The following TCF20 variants were observed in gnomAD, a reference collection of about 807,000 sequenced individuals.
TCF20 encodes the protein SPRE-binding protein.
TCF20 carries 3 observed loss-of-function variants against 148.6 expected under a neutral mutation model. The observed-to-expected ratio is 0.02, with a 90% CI of 0.01 to 0.05. The LOEUF is 0.05. Among genes scored for constraint, TCF20 ranks in the 10% least tolerant of loss-of-function variants. The pLI, the probability that TCF20 is intolerant of heterozygous loss-of-function variation, is 1.00. For missense variants in TCF20, 2,350 were observed against 2,429.3 expected, an observed-to-expected ratio of 0.97 and a Z score of 0.69; for synonymous variants, 1,049 against 909.5, an observed-to-expected ratio of 1.15 and a Z score of -2.76.
chr22:42,329,039 C>A (rs1160695886), intron 1 of TCF20, among the ~76,000 whole-genome samples: 1 of 152,240 alleles, frequency 6.6e-6, no homozygotes, highest in Non-Finnish European at 1.5e-5. Context: ...ACTCTGCAGC[C>A]CCTTGTTTGT....
rs756871251 is a variant in TCF20 at position 42,210,757 on chromosome 22, C to T, written c.4549G>A (p.Asp1517Asn). ...TGCTTCGGTGAAATCGTCACTGTAT[C>T]GTTCTCCTTCTCTTCAGCCTTGGGG... ...ANPKAEEKEN[D>N]TVTISPKQEG... The change falls in exon 2 of 6, where the codon GAT (aspartate) becomes AAT (asparagine). Residue 1517 changes from aspartate to asparagine, a missense_variant. Asp to Asn is a conservative substitution (Grantham distance 23). This residue lies in a region of TCF20 where 231 missense variants were observed against 213.7 expected (regional missense o/e 1.08). Coordinates refer to ENST00000677622, the MANE Select transcript of TCF20 (RefSeq NM_001378418.1). This position sits in a 1 kb window ranked among gnomAD's most constrained non-coding sequence, Gnocchi z 4.7. 6.8e-6 allele frequency: 11 copies of T among 1,614,044 alleles called. No homozygotes were observed. The highest frequency in any genetic ancestry group is 6.7e-5 in the Admixed American group (4 of 60,004).
chr22:42,236,425 A>G (rs1245044920), intron 1 of TCF20, among the ~76,000 whole-genome samples: 1 of 152,128 alleles, frequency 6.6e-6, no homozygotes, highest in Non-Finnish European at 1.5e-5. Flanking sequence ...TCTAATTCAC[A>G]ATGAAGAATG....
rs775842975 is a variant in TCF20 at position 42,210,422 on chromosome 22, G to C, written c.4884C>G (p.Asn1628Lys). Residue 1628 changes from asparagine (N) to lysine (K), a missense_variant, in exon 2 of 6, where the codon AAC becomes AAG. Coordinates refer to ENST00000677622, the MANE Select transcript of TCF20 (RefSeq NM_001378418.1). This position sits in a 1 kb window ranked among gnomAD's most constrained non-coding sequence, Gnocchi z 4.7. ...CATGGATGTAAGGGTAAAAAGACTT[G>C]TTCTTGGCATCAGTTTTATCCAGTG... The part of the protein sequence containing the change: ...TQPLDKTDAK[N>K]KSFYPYIHVV... 2 of 1,614,248 alleles carry C rather than the reference G, an allele frequency of 1.2e-6. No individual in the cohort carries two copies. Among genetic ancestry groups the C allele is most frequent in the Non-Finnish European group, 1.7e-6 (2 of 1,180,046 alleles).
intron 1 of TCF20, among the ~76,000 whole-genome samples, chr22:42,252,818 C>A (rs1402827437): frequency 2.6e-5 from 4 of 152,010 alleles, no homozygotes; most frequent in Non-Finnish European, 2.9e-5. Flanking sequence ...ATATAATTAT[C>A]CCTATATATA....
intron 1 of TCF20, among the ~76,000 whole-genome samples, chr22:42,243,959 C>G: frequency 6.6e-6 from 1 of 152,072 alleles, no homozygotes. Context: ...TCACATATTG[C>G]TGGTGGGGGC....
upstream of TCF20, among the ~76,000 whole-genome samples, chr22:42,270,876 C>T (rs1333340629): frequency 6.6e-6 from 1 of 151,382 alleles, no homozygotes. Context: ...ACGGGGTTCT[C>T]CTCTGCGGCC....
At chr22:42,322,467 A>G (rs1927750492) in intron 1 of TCF20, among the ~76,000 whole-genome samples, 1 of 151,844 alleles carries the variant, frequency 6.6e-6, no homozygotes, top group Non-Finnish European at 1.5e-5. Context: ...AGCAGTGAAG[A>G]TCCATGGTCT....
Position 42,215,137 on chromosome 22 carries a change from C to CACCACT in TCF20, c.163_168dup (p.Ser55_Gly56dup), listed in dbSNP as rs1239629572. 6.2e-7 allele frequency: 1 copy of CACCACT among 1,614,036 alleles called. No homozygotes were observed. The highest frequency in any genetic ancestry group is 2.2e-5 in the East Asian group (1 of 44,884). On this transcript the variant is annotated inframe_insertion, in exon 2 of 6. Coordinates refer to ENST00000677622, the MANE Select transcript of TCF20 (RefSeq NM_001378418.1). ...GCAGCTGCTGCTCCTCGTCGTCCAC[C>CACCACT]ACCACTGCCACTGCCACTGCTGCCA...
At chr22:42,302,424 C>T (rs4822102) in intron 1 of TCF20, among the ~76,000 whole-genome samples, 96,557 of 151,936 alleles carry the variant, frequency 0.64, 30,965 homozygotes, top group South Asian at 0.72. Flanking sequence ...GTGAGAGGCA[C>T]GTTCCTCTAC....
intron 3 of TCF20, among the ~76,000 whole-genome samples, chr22:42,176,742 C>T (rs2095016870): frequency 1.3e-5 from 2 of 152,076 alleles, no homozygotes; most frequent in African/African-American, 4.8e-5. Context: ...ATAAGCCAGG[C>T]ACGGAAAGTT....
At chr22:42,328,795 C>T (rs1337327979) in intron 1 of TCF20, among the ~76,000 whole-genome samples, 1 of 152,230 alleles carries the variant, frequency 6.6e-6, no homozygotes, top group Non-Finnish European at 1.5e-5. Context: ...TTTGCTAAAG[C>T]TTGCCCCAGA....
At chr22:42,203,856 G>A (rs992565127) in intron 2 of TCF20, among the ~76,000 whole-genome samples, 1 of 152,172 alleles carries the variant, frequency 6.6e-6, no homozygotes, top group Non-Finnish European at 1.5e-5. Flanking sequence ...GTGGGGGTGA[G>A]GTACTGGAGT....
chr22:42,258,158 T>C (rs1311972567), intron 1 of TCF20, among the ~76,000 whole-genome samples: 1 of 152,210 alleles, frequency 6.6e-6, no homozygotes, highest in Non-Finnish European at 1.5e-5. Flanking sequence ...TTAACTACTT[T>C]CTTACTTTAT....
In TCF20 at chr22:42,342,523, G is replaced by A. The variant is rs1179154386; in HGVS notation, c.-37+956C>T. On this transcript the variant is annotated intron_variant, in intron 1 of 1. Coordinates refer to the TCF20 transcript ENST00000515426. ...AGCACTAGACTACCTCCTGGAGGTA[G>A]TTCATCTCATTGGGCAGAGGTGAAG... Among the ~76,000 whole-genome samples, 4 of 152,222 alleles carry A rather than the reference G, an allele frequency of 2.6e-5. No homozygotes were observed. In the East Asian group the frequency reaches 7.7e-4, roughly 29 times the overall value.
Position 42,270,530 on chromosome 22 carries a change from G to A in TCF20, c.-228C>T, listed in dbSNP as rs934872529. ...GAGGCTCGCTCCGGCCCGCGCGCTC[G>A]CTCCCCGGTCAGGCGCGCCTCAGGG... On this transcript the variant is annotated 5_prime_UTR_variant, in exon 1 of 6. Coordinates refer to ENST00000677622, the MANE Select transcript of TCF20 (RefSeq NM_001378418.1). Among the ~76,000 whole-genome samples the A allele has an allele frequency of 1.2e-4, 18 of 145,534 alleles. No individual in the cohort carries two copies. Among genetic ancestry groups the A allele is most frequent in the African/African-American group, 4.4e-4 (18 of 40,638 alleles).
At chr22:42,188,792 T>C (rs940228982) in intron 2 of TCF20, among the ~76,000 whole-genome samples, 1 of 152,326 alleles carries the variant, frequency 6.6e-6, no homozygotes, top group African/African-American at 2.4e-5. Context: ...ATTGCATGCC[T>C]GTGTGCAGGG....
intron 1 of TCF20, among the ~76,000 whole-genome samples, chr22:42,219,154 T>G (rs890887616): frequency 6.6e-6 from 1 of 150,486 alleles, no homozygotes; most frequent in Non-Finnish European, 1.5e-5. Context: ...GAGGCTGAGG[T>G]GTGAGGATCG....
intron 1 of TCF20, among the ~76,000 whole-genome samples, chr22:42,268,123 A>C (rs184670504): frequency 2.6e-5 from 4 of 152,138 alleles, no homozygotes; most frequent in African/African-American, 7.2e-5. Context: ...TCCAGCCTGG[A>C]CAACAGAACA....
intron 2 of TCF20, among the ~76,000 whole-genome samples, chr22:42,180,145 A>G (rs936369018): frequency 2.6e-5 from 4 of 152,094 alleles, no homozygotes. Flanking sequence ...TTATATATAA[A>G]CCTTTTAGAA....
Sources: gnomAD v4.1 joint callset for allele counts (sites outside exome capture counted in the v4.1 genomes callset) on GRCh38, gnomAD v4.1.1 for gene constraint, gnomAD v4.1.1 regional missense constraint, Gnocchi (gnomAD v3.1) non-coding constraint, MANE v1.5 for transcripts, NCBI Gene and HGNC (gene_info 2026-07-23, HGNC 2026-07-21) for gene names.